MARK3: variants seen among roughly 807,000 people sequenced by gnomAD.
MARK3 encodes the protein microtubule affinity regulating kinase 3.
MARK3 carries 46 observed loss-of-function variants against 90.1 expected under a neutral mutation model. That is an observed-to-expected ratio of 0.51 (90% CI 0.40 to 0.65). MARK3 has a LOEUF of 0.65. Among genes scored for constraint, MARK3 ranks in the 30% least tolerant of loss-of-function variants. The probability of loss-of-function intolerance (pLI) is 0.00; values close to 1 mark genes in which losing one functional copy is unlikely to be tolerated. For missense variants in MARK3, 818 were observed against 947.2 expected, an observed-to-expected ratio of 0.86 and a Z score of 1.79; for synonymous variants, 321 against 332.6, an observed-to-expected ratio of 0.97 and a Z score of 0.38.
intron 8 of MARK3, 78 bp from the exon 9 acceptor site, chr14:103,465,893 AG>A: frequency 6.4e-7 from 1 of 1,561,630 alleles, no homozygotes; most frequent in Non-Finnish European, 8.7e-7. Context: ...GGGGGGTTTC[AG>A]GGGGTTTTTT....
intron 5 of MARK3, among the ~76,000 whole-genome samples, chr14:103,452,441 C>T (rs1485585880): frequency 6.7e-5 from 10 of 150,258 alleles, no homozygotes; most frequent in Admixed American, 6.0e-4. Flanking sequence ...CTCTTGGAAC[C>T]TCATACAAGT....
intron 12 of MARK3, among the ~76,000 whole-genome samples, chr14:103,471,415 C>A (rs1053259221): frequency 6.6e-6 from 1 of 152,194 alleles, no homozygotes; most frequent in African/African-American, 2.4e-5. Flanking sequence ...CCCAAGGTTA[C>A]ATAGTAAATG....
chr14:103,501,708 G>T (rs1310693841), intron 17 of MARK3, among the ~76,000 whole-genome samples: 1 of 151,972 alleles, frequency 6.6e-6, no homozygotes, highest in Non-Finnish European at 1.5e-5. Flanking sequence ...TGCCCTCTAG[G>T]AGATGGCCAG....
chr14:103,421,993 C>A (rs2092239837), intron 2 of MARK3, among the ~76,000 whole-genome samples: 1 of 152,150 alleles, frequency 6.6e-6, no homozygotes. Flanking sequence ...CCTTGTCTCC[C>A]AGGATGGCCA....
chr14:103,478,149 G>T (rs2093748302), intron 13 of MARK3, among the ~76,000 whole-genome samples: 1 of 151,838 alleles, frequency 6.6e-6, no homozygotes, highest in Non-Finnish European at 1.5e-5. Context: ...ACAAAAATTA[G>T]CCAGGCATGG....
rs71126013 is a variant in MARK3, at chr14:103,400,963, G to GTGTA, written c.52-4110_52-4109insATGT. On this transcript the variant is annotated intron_variant, in intron 1 of 17. Coordinates refer to ENST00000429436, the MANE Select transcript of MARK3 (RefSeq NM_001128918.3). ...ACATTTTGTGTGTGTGTGTGTGTGT[G>GTGTA]TGTGTGTGTGTGTGTGTGTATGCAG... 1.5e-3 allele frequency among the ~76,000 whole-genome samples: 220 copies of GTGTA among 149,294 alleles called. 4 individuals are homozygous for GTGTA. Among genetic ancestry groups the GTGTA allele is most frequent in the Middle Eastern group, 0.01 (3 of 290 alleles).
At chr14:103,398,385 A>G (rs1162337569) in intron 1 of MARK3, among the ~76,000 whole-genome samples, 1 of 152,122 alleles carries the variant, frequency 6.6e-6, no homozygotes, top group African/African-American at 2.4e-5. Flanking sequence ...GTGATACTAC[A>G]TTGTGGTTTT....
Position 103,468,157 on chromosome 14 carries a change from G to A in MARK3, c.1235G>A (p.Ser412Asn), listed in dbSNP as rs778607174. The A allele has an allele frequency of 3.1e-6, 5 of 1,613,840 alleles. No homozygotes were observed. In the South Asian group the frequency reaches 5.5e-5, roughly 18 times the overall value. Residue 412 changes from serine (S) to asparagine (N), a missense_variant, in exon 12 of 18, where the codon AGC (serine) becomes AAC (asparagine). By Grantham distance (46) the Ser-to-Asn change is conservative. Around this residue, in one of 3 missense-constraint regions of MARK3, gnomAD observed 560 missense variants for 613.5 expected, o/e 0.91. Coordinates refer to ENST00000429436, the MANE Select transcript of MARK3 (RefSeq NM_001128918.3). ...AAAGTGCAGAGAAGTGTTTCTTCAA[G>A]CCAAAAGCAAAGACGCTACAGTGAC... ...HHKVQRSVSS[S>N]QKQRRYSDHA...
intron 1 of MARK3, 133 bp from the exon 2 acceptor site, chr14:103,404,943 T>A (rs1011561674): frequency 1.7e-6 from 1 of 578,866 alleles, no homozygotes; most frequent in Admixed American, 3.8e-5. Flanking sequence ...TGTGGTTAAA[T>A]TCCTTTGAAG....
Position 103,385,514 on chromosome 14 carries a change from C to G in MARK3, c.-516C>G, listed in dbSNP as rs969201266. 2 of 154,182 alleles carry G rather than the reference C, an allele frequency of 1.3e-5. No homozygotes were observed. The highest frequency in any genetic ancestry group is 4.8e-5 in the African/African-American group (2 of 41,422). 9.6% of individuals were successfully genotyped at this position (154,182 alleles called of 1,614,324 possible). ...AGCTCGCTAGAGAGGGAGAAGCAGT[C>G]GGGCGCAGGCGCCTCCTCCGCAGCC... On this transcript the variant is annotated 5_prime_UTR_variant, in exon 1 of 18. Coordinates refer to ENST00000429436, the MANE Select transcript of MARK3 (RefSeq NM_001128918.3).
At position 103,427,705 on chromosome 14, in the gene MARK3, A is replaced by G. The variant is rs2092456833; in HGVS notation, c.244-682A>G. The stretch of plus-strand genomic sequence containing the variant: ...GGGGACTATTTAGGGTAACTTCCCA[A>G]GGTTGCCGTGGCATTTGTAAACTGT... On this transcript the variant is annotated intron_variant, in intron 2 of 17. Coordinates refer to ENST00000429436, the MANE Select transcript of MARK3 (RefSeq NM_001128918.3). Among the ~76,000 whole-genome samples the G allele has an allele frequency of 2.0e-5, 3 of 152,216 alleles. No individual in the cohort carries two copies. In the South Asian group the frequency reaches 6.2e-4, roughly 32 times the overall value.
chr14:103,419,403 T>G (rs2092109224), intron 2 of MARK3, among the ~76,000 whole-genome samples: 1 of 152,234 alleles, frequency 6.6e-6, no homozygotes, highest in African/African-American at 2.4e-5. Flanking sequence ...ACTTAAAATA[T>G]ATATTAATTC....
chr14:103,424,629 C>T (rs779731517), intron 2 of MARK3, among the ~76,000 whole-genome samples: 23 of 151,752 alleles, frequency 1.5e-4, no homozygotes, highest in Middle Eastern at 3.2e-3. Context: ...ATAGAAACCA[C>T]GTCTCAGAAG....
At chr14:103,434,366 A>G (rs2092665749) in intron 3 of MARK3, among the ~76,000 whole-genome samples, 1 of 152,240 alleles carries the variant, frequency 6.6e-6, no homozygotes, top group Non-Finnish European at 1.5e-5. Flanking sequence ...GACCGGGCTA[A>G]GTATAAAGCA....
At chr14:103,437,695 T>C (rs1282480190) in intron 3 of MARK3, among the ~76,000 whole-genome samples, 2 of 152,218 alleles carry the variant, frequency 1.3e-5, no homozygotes, top group South Asian at 2.1e-4. Flanking sequence ...CTGGACCCAT[T>C]TGCAGAAAAT....
intron 15 of MARK3, 58 bp downstream of exon 15, chr14:103,492,092 C>A: frequency 1.3e-6 from 2 of 1,571,300 alleles, no homozygotes; most frequent in South Asian, 1.2e-5. Context: ...GGAAAGATGT[C>A]TTTTTTGTTG....
intron 12 of MARK3, among the ~76,000 whole-genome samples, chr14:103,473,217 G>A (rs2093660740): frequency 2.0e-5 from 3 of 152,208 alleles, no homozygotes; most frequent in Admixed American, 2.0e-4. Flanking sequence ...CTGTGGCTAT[G>A]AAAGGGTAGT....
intron 13 of MARK3, among the ~76,000 whole-genome samples, chr14:103,479,074 A>G (rs538013875): frequency 6.6e-6 from 1 of 152,258 alleles, no homozygotes; most frequent in East Asian, 1.9e-4. Flanking sequence ...AGGCTAAAGT[A>G]CAATGGTGCA....
intron 2 of MARK3, chr14:103,412,667 A>AAG: frequency 1.0e-6 from 1 of 963,458 alleles, no homozygotes; most frequent in Non-Finnish European, 1.6e-6. Context: ...CTGCAACTCC[A>AAG]CCATCTTCAG....
Sources: gnomAD v4.1 joint callset for allele counts (sites outside exome capture counted in the v4.1 genomes callset) on GRCh38, gnomAD v4.1.1 for gene constraint, gnomAD v4.1.1 regional missense constraint, MANE v1.5 for transcripts, NCBI Gene and HGNC (gene_info 2026-07-23, HGNC 2026-07-21) for gene names.